Variants in LRRC28 observed in about 807,000 individuals in gnomAD.
The protein encoded by LRRC28 is leucine rich repeat containing 28, also known as leucine-rich repeat-containing protein 28.
Under a neutral mutation model 45.7 loss-of-function variants are expected in LRRC28, and 39 were observed. That is an observed-to-expected ratio of 0.85 (90% CI 0.66 to 1.12). LRRC28 has a LOEUF of 1.12. LRRC28 is among the 50% of genes most tolerant of loss of function. LRRC28 has a pLI of 0.00. For missense variants in LRRC28, 435 were observed against 438.5 expected (o/e 0.99, Z 0.07); for synonymous variants, 206 against 178.8 (o/e 1.15, Z -1.22).
chr15:99,373,667 A>C (rs561692816), intron 9 of LRRC28, among the ~76,000 whole-genome samples: 1 of 152,290 alleles, frequency 6.6e-6, no homozygotes, highest in African/African-American at 2.4e-5. Context: ...AGCCAACTTT[A>C]ATTTTTTAAA....
At chr15:99,271,365 G>A (rs2081474200) in intron 2 of LRRC28, among the ~76,000 whole-genome samples, 1 of 150,098 alleles carries the variant, frequency 6.7e-6, no homozygotes, top group Non-Finnish European at 1.5e-5. Context: ...TGCAACCTCT[G>A]CCTCCTGGGT....
chr15:99,285,385 C>T (rs568365431), intron 3 of LRRC28: 17 of 743,608 alleles, frequency 2.3e-5, no homozygotes, highest in South Asian at 1.1e-4. Flanking sequence ...CCACCTCCTC[C>T]GCAGTGGTAT....
chr15:99,386,162 A>G lies in LRRC28; in HGVS notation c.*60A>G. ...TGACACTGGGGAATCCAGCCAGTCC[A>G]GCACACTCTTCCATCCTGTCCTGTC... is the stretch of plus-strand genomic sequence containing the variant. On this transcript the variant is annotated 3_prime_UTR_variant, in exon 10 of 10. Coordinates refer to ENST00000301981, the MANE Select transcript of LRRC28 (RefSeq NM_144598.5). 5 of 1,312,090 alleles carry G rather than the reference A, an allele frequency of 3.8e-6. No homozygotes were observed. The highest frequency in any genetic ancestry group is 5.5e-6 in the Non-Finnish European group (5 of 904,386). 81.3% of individuals were successfully genotyped at this position (1,312,090 alleles called of 1,614,324 possible). A position where few individuals can be genotyped will look rare whatever the true frequency, so the allele number is the denominator to read the frequency against.
At chr15:99,295,848 T>C (rs1341293251) in intron 5 of LRRC28, among the ~76,000 whole-genome samples, 1 of 152,226 alleles carries the variant, frequency 6.6e-6, no homozygotes, top group Non-Finnish European at 1.5e-5. Context: ...AAACCCAGGC[T>C]TCAAGTGTAG....
chr15:99,350,504 A>G (rs1165085777), intron 6 of LRRC28, among the ~76,000 whole-genome samples: 1 of 152,218 alleles, frequency 6.6e-6, no homozygotes, highest in East Asian at 1.9e-4. Flanking sequence ...CCTCTCTAAT[A>G]GCAGTGATCG....
At chr15:99,310,309 TAATA>T (rs1424495424) in intron 5 of LRRC28, among the ~76,000 whole-genome samples, 1 of 152,212 alleles carries the variant, frequency 6.6e-6, no homozygotes, top group African/African-American at 2.4e-5. Flanking sequence ...TAATTATAGT[TAATA>T]CATATAGAAG....
chr15:99,330,017 A>T (rs954149757), intron 5 of LRRC28, among the ~76,000 whole-genome samples: 1 of 152,180 alleles, frequency 6.6e-6, no homozygotes, highest in Non-Finnish European at 1.5e-5. Context: ...CCTATCAAGT[A>T]TTGTTAGGTT....
At chr15:99,310,515 C>T (rs932866365) in intron 5 of LRRC28, among the ~76,000 whole-genome samples, 2 of 152,164 alleles carry the variant, frequency 1.3e-5, no homozygotes, top group East Asian at 1.9e-4. Flanking sequence ...ACATTATGTT[C>T]TACTACCCAG....
chr15:99,348,545 T>C (rs117256832), intron 6 of LRRC28, among the ~76,000 whole-genome samples: 1 of 152,190 alleles, frequency 6.6e-6, no homozygotes, highest in Admixed American at 6.5e-5. Context: ...TTCCCTGTTA[T>C]GTCCTCTTGG....
chr15:99,301,252 A>G (rs572139723), intron 5 of LRRC28, among the ~76,000 whole-genome samples: 42 of 152,358 alleles, frequency 2.8e-4, no homozygotes, highest in African/African-American at 9.9e-4. Context: ...AGACTATAGA[A>G]TACTATTTTT....
chr15:99,333,683 T>C (rs1567671470), intron 5 of LRRC28: 3 of 544,362 alleles, frequency 5.5e-6, no homozygotes, highest in Non-Finnish European at 9.8e-6. Context: ...GTGTCTCTTT[T>C]TTTCTCCATG....
chr15:99,358,842 C>T (rs1957119492), intron 7 of LRRC28, among the ~76,000 whole-genome samples: 1 of 152,146 alleles, frequency 6.6e-6, no homozygotes, highest in African/African-American at 2.4e-5. Flanking sequence ...CTTTGGGAAG[C>T]CGAGGCGGGC....
intron 9 of LRRC28, among the ~76,000 whole-genome samples, chr15:99,382,037 A>G (rs1249452256): frequency 2.0e-5 from 3 of 152,122 alleles, no homozygotes; most frequent in Non-Finnish European, 4.4e-5. Context: ...GTGCTGGGAG[A>G]TCCACTACTC....
At position 99,363,164 on chromosome 15, in the gene LRRC28, C is replaced by T. The variant is rs778521445; in HGVS notation, c.930C>T (p.Cys310=). The change falls in exon 9 of 10, where the codon TGC becomes TGT. Residue 310 remains cysteine (C), a synonymous_variant. Coordinates refer to ENST00000301981, the MANE Select transcript of LRRC28 (RefSeq NM_144598.5). ...LPRSLLELLH[C]PLGHCHRCSE... is the part of the protein sequence containing the mutation. ...GAAGTCTCCTAGAGCTGCTGCACTG[C>T]CCTCTGGGGCACTGTCATCGGTGTA... 8.7e-6 allele frequency: 14 copies of T among 1,613,886 alleles called. No homozygotes were observed. The highest frequency in any genetic ancestry group is 3.3e-5 in the Admixed American group (2 of 59,978).
At chr15:99,364,345 C>G (rs1441216207) in intron 9 of LRRC28, among the ~76,000 whole-genome samples, 1 of 152,212 alleles carries the variant, frequency 6.6e-6, no homozygotes, top group Non-Finnish European at 1.5e-5. Flanking sequence ...TAGCTCTACT[C>G]ACGCCATCCC....
At chr15:99,372,650 A>AC (rs1262792764) in intron 9 of LRRC28, among the ~76,000 whole-genome samples, 2 of 152,034 alleles carry the variant, frequency 1.3e-5, no homozygotes, top group Admixed American at 1.3e-4. Context: ...AGGTTACTCC[A>AC]CCCCCGTGAG....
chr15:99,361,191 A>T lies in LRRC28; in HGVS notation c.696-145A>T, dbSNP rs1957189683. ...GCCAGGTTTTATGAAGGAACCCGGG[A>T]TAGCATCTGTTCACTTTGAAAAGAA... On this transcript the variant is annotated intron_variant, in intron 7 of 9. Transcript: ENST00000301981. 6.1e-6 allele frequency: 6 copies of T among 990,390 alleles called. No homozygotes were observed. The East Asian group carries it at 1.4e-4, about 22-fold the overall frequency. The allele number at this position is 990,390 out of a possible 1,614,324, so 61.4% of individuals were successfully genotyped here. A position where few individuals can be genotyped will look rare whatever the true frequency, so the allele number is the denominator to read the frequency against.
chr15:99,364,719 G>GAAT (rs1323743515), intron 9 of LRRC28, among the ~76,000 whole-genome samples: 1 of 152,090 alleles, frequency 6.6e-6, no homozygotes, highest in Non-Finnish European at 1.5e-5. Context: ...AATAGAATGG[G>GAAT]AATAATAATA....
Position 99,386,156 on chromosome 15 carries a change from C to CAT in LRRC28, c.*55_*56insTA. The CAT allele has an allele frequency of 7.5e-7, 1 of 1,340,960 alleles. No individual in the cohort carries two copies. Among genetic ancestry groups the CAT allele is most frequent in the South Asian group, 1.2e-5 (1 of 85,582 alleles). The allele number at this position is 1,340,960 out of a possible 1,614,324, so 83.1% of individuals were successfully genotyped here. ...CCAGCTTGACACTGGGGAATCCAGC[C>CAT]AGTCCAGCACACTCTTCCATCCTGT... On this transcript the variant is annotated 3_prime_UTR_variant, in exon 10 of 10. Transcript: ENST00000301981.
Sources: allele counts gnomAD v4.1 joint callset (sites outside exome capture counted in the v4.1 genomes callset), GRCh38; gene constraint gnomAD v4.1.1; transcripts MANE v1.5; gene names NCBI Gene and HGNC (gene_info 2026-07-23, HGNC 2026-07-21).